Variants in CST6 observed in about 807,000 individuals in gnomAD.
CST6 encodes cystatin E/M.
CST6 carries 8 observed loss-of-function variants against 10.7 expected under a neutral mutation model. The observed-to-expected ratio is 0.75, with a 90% CI of 0.44 to 1.34. The LOEUF (loss-of-function observed/expected upper bound fraction) is 1.34. CST6 is among the 40% of genes most tolerant of loss of function. CST6 has a pLI of 0.01. For missense variants in CST6, 206 were observed against 205.1 expected (o/e 1.00, Z -0.03); for synonymous variants, 100 against 89.3 (o/e 1.12, Z -0.68).
In CST6 at chr11:66,012,901, G is replaced by C; in HGVS notation, c.316G>C (p.Asp106His). The change falls in exon 2 of 3, where the codon GAC (aspartate) becomes CAC (histidine). Residue 106 changes from aspartate (D) to histidine (H), a missense_variant. Coordinates refer to ENST00000312134, the MANE Select transcript of CST6 (RefSeq NM_001323.4). ...TDCRKTRVTGDHVDLTTCPLA... is the reference protein window; with the variant it reads ...TDCRKTRVTGHHVDLTTCPLA... ...CTGCCGCAAGACCAGGGTCACTGGA[G>C]ACCACGTCGACCTCACCACTTGCCC... is the stretch of plus-strand genomic sequence containing the variant. 1 of 1,613,766 alleles carries C rather than the reference G, an allele frequency of 6.2e-7. No homozygotes were observed.
In CST6 at chr11:66,012,910, G is replaced by A. The variant is rs372528928; in HGVS notation, c.325G>A (p.Asp109Asn). ...RKTRVTGDHV[D>N]LTTCPLAAGA... ...GACCAGGGTCACTGGAGACCACGTC[G>A]ACCTCACCACTTGCCCCCTGGCAGC... The change falls in exon 2 of 3, where the codon GAC becomes AAC. Residue 109 changes from aspartate (D) to asparagine (N), a missense_variant. Physicochemically the swap from Asp to Asn is conservative, Grantham distance 23 (BLOSUM62 1). Coordinates refer to ENST00000312134, the MANE Select transcript of CST6 (RefSeq NM_001323.4). 15 of 1,613,574 alleles carry A rather than the reference G, an allele frequency of 9.3e-6. No individual in the cohort carries two copies. The highest frequency in any genetic ancestry group is 3.3e-5 in the Admixed American group (2 of 59,976).
intron 2 of CST6, 170 bp downstream of exon 2, chr11:66,013,121 G>T (rs755928536): frequency 1.2e-5 from 13 of 1,044,786 alleles, no homozygotes; most frequent in Non-Finnish European, 1.9e-5. Flanking sequence ...AAAGGAAGCT[G>T]GGGCTTCCCT....
At position 66,013,374 on chromosome 11, in the gene CST6, C is replaced by G; in HGVS notation, c.424C>G (p.Leu142Val). The G allele has an allele frequency of 6.2e-7, 1 of 1,614,206 alleles. No individual in the cohort carries two copies. Among genetic ancestry groups the G allele is most frequent in the Non-Finnish European group, 8.5e-7 (1 of 1,180,016 alleles). Residue 142 changes from leucine (L) to valine (V), a missense_variant, in exon 3 of 3, where the codon CTA (leucine) becomes GTA (valine). Coordinates refer to ENST00000312134, the MANE Select transcript of CST6 (RefSeq NM_001323.4). ...TCCCTGGCAGAACTCCTCTCAGCTC[C>G]TAAAGCACAACTGTGTGCAGATGTG... The part of the protein sequence containing the change: ...VVPWQNSSQL[L>V]KHNCVQM
chr11:66,012,134 G>T lies in CST6; in HGVS notation c.90G>T (p.Pro30=). ...TGCCACGCGACGCCCGGGCCCGGCC[G>T]CAGGAGCGCATGGTCGGAGAACTCC... is the stretch of plus-strand genomic sequence containing the variant. ...LALPRDARAR[P]QERMVGELRD... is the part of the protein sequence containing the mutation. Residue 30 remains proline, a synonymous_variant, in exon 1 of 3, where the codon CCG becomes CCT. Coordinates refer to ENST00000312134, the MANE Select transcript of CST6 (RefSeq NM_001323.4). 6.4e-7 allele frequency: 1 copy of T among 1,550,496 alleles called. No individual in the cohort carries two copies. Among genetic ancestry groups the T allele is most frequent in the Non-Finnish European group, 8.7e-7 (1 of 1,152,610 alleles).
chr11:66,012,174 G>C lies in CST6; in HGVS notation c.130G>C (p.Asp44His), dbSNP rs1320967454. The change falls in exon 1 of 3, where the codon GAC (aspartate) becomes CAC (histidine). Residue 44 changes from aspartate (D) to histidine (H), a missense_variant. By Grantham distance (81) the Asp-to-His change is moderately conservative (BLOSUM62 -1). Transcript: ENST00000312134. ...CGGAGAACTCCGGGACCTGTCGCCC[G>C]ACGACCCGCAGGTGCAGAAGGCGGC... is the stretch of plus-strand genomic sequence containing the variant. ...MVGELRDLSP[D>H]DPQVQKAAQA... 3 of 1,567,980 alleles carry C rather than the reference G, an allele frequency of 1.9e-6. No homozygotes were observed. Among genetic ancestry groups the C allele is most frequent in the Non-Finnish European group, 2.6e-6 (3 of 1,159,236 alleles).
At chr11:66,013,255 G>A in intron 2 of CST6, 62 bp from the exon 3 acceptor site, 1 of 1,467,750 alleles carries the variant, frequency 6.8e-7, no homozygotes, top group Admixed American at 1.7e-5. Flanking sequence ...AGGGCTGGCT[G>A]TTGGGAGGAG....
Position 66,012,048 on chromosome 11 carries a change from G to C in CST6, c.4G>C (p.Ala2Pro). The C allele has an allele frequency of 6.4e-7, 1 of 1,555,466 alleles. No homozygotes were observed. Among genetic ancestry groups the C allele is most frequent in the South Asian group, 1.2e-5 (1 of 85,110 alleles). Residue 2 changes from alanine to proline, a missense_variant, in exon 1 of 3, where the codon GCG (alanine) becomes CCG (proline). Ala to Pro is a conservative substitution (Grantham distance 27). Coordinates refer to ENST00000312134, the MANE Select transcript of CST6 (RefSeq NM_001323.4). The stretch of plus-strand genomic sequence containing the variant: ...GGCTCCGACGGCACTGACGGCCATG[G>C]CGCGTTCGAACCTCCCGCTGGCGCT... MARSNLPLALGL... is the reference protein window; with the variant it reads MPRSNLPLALGL...
chr11:66,013,216 C>T (rs750068425), intron 2 of CST6, 101 bp from the exon 3 acceptor site: 31 of 1,152,534 alleles, frequency 2.7e-5, no homozygotes, highest in Non-Finnish European at 3.7e-5. Context: ...GATTGTCCCT[C>T]TCTTGGCCTG....
At chr11:66,012,674 A>ACACCCCCCC in intron 1 of CST6, 152 bp from the exon 2 acceptor site, 3 of 39,864 alleles carry the variant, frequency 7.5e-5, no homozygotes, top group East Asian at 6.5e-4. Context: ...TCCCCCCCCC[A>ACACCCCCCC]CCCCCCCCCA....
In CST6 at chr11:66,012,958, G is replaced by T. The variant is rs745642018; in HGVS notation, c.366+7G>T. On this transcript the variant is annotated splice_region_variant and intron_variant, in intron 2 of 2. Coordinates refer to ENST00000312134, the MANE Select transcript of CST6 (RefSeq NM_001323.4). ...AGCAGGGGCGCAGCAGGAGGTAACA[G>T]CTGGGCTCCTCCAGCCCCAGCCCTC... 6.2e-7 allele frequency: 1 copy of T among 1,612,978 alleles called. No homozygotes were observed. The highest frequency in any genetic ancestry group is 1.7e-5 in the Admixed American group (1 of 59,944).
intron 2 of CST6, 135 bp from the exon 3 acceptor site, chr11:66,013,182 C>A (rs376416455): frequency 2.0e-6 from 2 of 994,378 alleles, no homozygotes; most frequent in Non-Finnish European, 3.2e-6. Flanking sequence ...CCCAGACATG[C>A]GGCTTGACAT....
In CST6 at chr11:66,013,500, C is replaced by T; in HGVS notation, c.*100C>T. 1 of 985,190 alleles carries T rather than the reference C, an allele frequency of 1.0e-6. No individual in the cohort carries two copies. Among genetic ancestry groups the T allele is most frequent in the Non-Finnish European group, 1.6e-6 (1 of 610,894 alleles). 61.0% of individuals were successfully genotyped at this position (985,190 alleles called of 1,614,324 possible). A position where few individuals can be genotyped will look rare whatever the true frequency, so the allele number is the denominator to read the frequency against. On this transcript the variant is annotated 3_prime_UTR_variant, in exon 3 of 3. Coordinates refer to ENST00000312134, the MANE Select transcript of CST6 (RefSeq NM_001323.4). Reference sequence around the variant, plus strand: ...TCACAATAAATGGCCAGTGCTGCTTCTTGCATTGGTTTCTTCCAAGTGCTT... The same window carrying T: ...TCACAATAAATGGCCAGTGCTGCTTTTTGCATTGGTTTCTTCCAAGTGCTT...
At chr11:66,013,037 G>T (rs960591275) in intron 2 of CST6, 86 bp downstream of exon 2, 4 of 1,519,488 alleles carry the variant, frequency 2.6e-6, no homozygotes, top group African/African-American at 1.4e-5. Context: ...GGCTGGACAC[G>T]TAGATGTCTA....
chr11:66,012,665 C>G (rs868531756), intron 1 of CST6, among the ~76,000 whole-genome samples, 161 bp from the exon 2 acceptor site: 1 of 12,402 alleles, frequency 8.1e-5, no homozygotes, highest in Non-Finnish European at 2.2e-4. Flanking sequence ...CACCAGAACT[C>G]CCCCCCCCAC....
intron 1 of CST6, among the ~76,000 whole-genome samples, 161 bp from the exon 2 acceptor site, chr11:66,012,665 C>A (rs868531756): frequency 1.6e-4 from 2 of 12,374 alleles, no homozygotes; most frequent in Admixed American, 9.5e-4. Flanking sequence ...CACCAGAACT[C>A]CCCCCCCCAC....
intron 1 of CST6, 133 bp downstream of exon 1, chr11:66,012,417 T>A: frequency 8.4e-7 from 1 of 1,194,478 alleles, no homozygotes; most frequent in Non-Finnish European, 1.1e-6. Context: ...AAAATCGAAT[T>A]AATGCTAAAA....
chr11:66,012,720 T>A, intron 1 of CST6, 106 bp from the exon 2 acceptor site: 1 of 446,602 alleles, frequency 2.2e-6, no homozygotes, highest in Non-Finnish European at 3.0e-6. Flanking sequence ...CCCCTCTCCC[T>A]CTCTCCCCAC....
In CST6 at chr11:66,012,674, ACCCCCCCCC is replaced by A. The variant is rs1565066838; in HGVS notation, c.241-151_241-143del. The A allele has an allele frequency of 0.03, 1,250 of 41,492 alleles. 73 individuals are homozygous for A. In the East Asian group the frequency reaches 0.32, roughly 11 times the overall value. 2.6% of individuals were successfully genotyped at this position (41,492 alleles called of 1,614,324 possible). A position where few individuals can be genotyped will look rare whatever the true frequency, so the allele number is the denominator to read the frequency against. On this transcript the variant is annotated intron_variant, in intron 1 of 2. Transcript: ENST00000312134. The stretch of plus-strand genomic sequence containing the variant: ...CATCCCCACCAGAACTCCCCCCCCC[ACCCCCCCCC>A]ACCCCCCCCCACCCCGTCTGAATCA...
intron 1 of CST6, 50 bp downstream of exon 1, chr11:66,012,334 G>A (rs1428747943): frequency 1.3e-6 from 2 of 1,531,748 alleles, no homozygotes; most frequent in Non-Finnish European, 8.8e-7. Flanking sequence ...GATGGGGGAG[G>A]CCACAGGCGC....
Sources: allele counts gnomAD v4.1 joint callset (sites outside exome capture counted in the v4.1 genomes callset), GRCh38; gene constraint gnomAD v4.1.1; transcripts MANE v1.5; gene names NCBI Gene and HGNC (gene_info 2026-07-23, HGNC 2026-07-21).